The following CEP126 variants were observed in gnomAD, a reference collection of about 807,000 sequenced individuals.
CEP126 encodes the protein centrosomal protein 126, also known as centrosomal protein of 126 kDa.
In CEP126, 74 loss-of-function variants were observed where a neutral mutation model predicts 107.8. The ratio of observed to expected loss-of-function variants is 0.69; its 90% CI spans 0.57 to 0.83. The LOEUF (loss-of-function observed/expected upper bound fraction) is 0.83. CEP126 is among the 40% of genes least tolerant of loss of function. The pLI, the probability that CEP126 is intolerant of heterozygous loss-of-function variation, is 0.00. For synonymous variants in CEP126, 449 were observed against 446.0 expected, an observed-to-expected ratio of 1.01 and a Z score of -0.08; for missense variants, 1,237 against 1,281.9, an observed-to-expected ratio of 0.96 and a Z score of 0.53.
chr11:101,928,842 T>C (rs1940449322), intron 2 of CEP126, among the ~76,000 whole-genome samples: 1 of 152,218 alleles, frequency 6.6e-6, no homozygotes, highest in Admixed American at 6.5e-5. Context: ...TTATTCTTTT[T>C]CAGAATTGTT....
At chr11:101,989,232 A>G (rs1941348405) in intron 9 of CEP126, among the ~76,000 whole-genome samples, 1 of 152,212 alleles carries the variant, frequency 6.6e-6, no homozygotes, top group Non-Finnish European at 1.5e-5. Context: ...AGGAATTTCT[A>G]ATTATTTATA....
At chr11:101,941,311 C>T (rs1288772284) in intron 2 of CEP126, among the ~76,000 whole-genome samples, 1 of 152,130 alleles carries the variant, frequency 6.6e-6, no homozygotes, top group Non-Finnish European at 1.5e-5. Context: ...CTACCCTCCC[C>T]ACCAGCTGGT....
At chr11:101,938,125 AG>A (rs1327139158) in intron 2 of CEP126, among the ~76,000 whole-genome samples, 1 of 138,754 alleles carries the variant, frequency 7.2e-6, no homozygotes, top group Non-Finnish European at 1.6e-5. Flanking sequence ...TGCAGTCCGC[AG>A]TCCGGCCTGG....
At chr11:101,997,502 T>C in intron 10 of CEP126, 97 bp from the exon 11 acceptor site, 1 of 1,585,962 alleles carries the variant, frequency 6.3e-7, no homozygotes, top group East Asian at 2.3e-5. Flanking sequence ...GATGTCAGGA[T>C]GTGTTGAATA....
intron 8 of CEP126, among the ~76,000 whole-genome samples, chr11:101,984,198 TAGA>T (rs1941289562): frequency 6.6e-6 from 1 of 152,198 alleles, no homozygotes; most frequent in Non-Finnish European, 1.5e-5. Flanking sequence ...GATGTGGATG[TAGA>T]AGGTTTTCAA....
At chr11:101,977,791 T>TA (rs1941209395) in intron 6 of CEP126, among the ~76,000 whole-genome samples, 1 of 152,196 alleles carries the variant, frequency 6.6e-6, no homozygotes, top group Non-Finnish European at 1.5e-5. Flanking sequence ...TACTATAAGA[T>TA]ACGCATAAAT....
At chr11:101,929,807 G>A (rs1940466232) in intron 2 of CEP126, among the ~76,000 whole-genome samples, 1 of 152,124 alleles carries the variant, frequency 6.6e-6, no homozygotes, top group Non-Finnish European at 1.5e-5. Flanking sequence ...GGGAGGCAAG[G>A]ATAGAAATCT....
At chr11:101,957,725 T>C (rs1295708741) in intron 4 of CEP126, among the ~76,000 whole-genome samples, 1 of 152,140 alleles carries the variant, frequency 6.6e-6, no homozygotes, top group African/African-American at 2.4e-5. Flanking sequence ...TCTGCTTGAA[T>C]CTTCAACCAA....
At chr11:101,983,813 C>T (rs368968071) in intron 8 of CEP126, among the ~76,000 whole-genome samples, 20 of 152,334 alleles carry the variant, frequency 1.3e-4, no homozygotes, top group African/African-American at 4.3e-4. Context: ...GACTCAGTCA[C>T]GCCCAAGTGT....
At position 101,963,239 on chromosome 11, in the gene CEP126, A is replaced by C; in HGVS notation, c.2204A>C (p.Lys735Thr). The C allele has an allele frequency of 6.2e-7, 1 of 1,613,994 alleles. No homozygotes were observed. The highest frequency in any genetic ancestry group is 1.3e-5 in the African/African-American group (1 of 75,054). ...AWPASKKEESKIPVHDDSKTK... is the reference protein window; with the variant it reads ...AWPASKKEESTIPVHDDSKTK... ...CCAGCCTCAAAAAAAGAAGAAAGTAAAATCCCTGTACATGATGATTCTAAA... is the reference window on the plus strand; with the variant it reads ...CCAGCCTCAAAAAAAGAAGAAAGTACAATCCCTGTACATGATGATTCTAAA... Residue 735 changes from lysine to threonine, a missense_variant, in exon 6 of 11, where the codon AAA becomes ACA. This residue lies in a region of CEP126 where 1,134 missense variants were observed against 1,150.5 expected (regional missense o/e 0.99). Transcript: ENST00000263468.
rs1565368291 is a variant in CEP126, at chr11:101,981,743, C to G, written c.2959-146C>G. On this transcript the variant is annotated intron_variant, in intron 7 of 10. Transcript: ENST00000263468. Reference sequence around the variant, plus strand: ...TCTTTATTATAATAATTCTTGTATTCAGCTCTAAAAAATGTAATATACAAG... The same window carrying G: ...TCTTTATTATAATAATTCTTGTATTGAGCTCTAAAAAATGTAATATACAAG... The G allele has an allele frequency of 3.5e-5, 18 of 513,010 alleles. 1 individual carries two copies. The South Asian group carries it at 5.7e-4, about 16-fold the overall frequency. 31.8% of individuals were successfully genotyped at this position (513,010 alleles called of 1,614,324 possible). A position where few individuals can be genotyped will look rare whatever the true frequency, so the allele number is the denominator to read the frequency against.
intron 9 of CEP126, among the ~76,000 whole-genome samples, chr11:101,990,085 A>AT (rs1941360166): frequency 6.6e-6 from 1 of 152,218 alleles, no homozygotes; most frequent in African/African-American, 2.4e-5. Flanking sequence ...AATTGTTTAA[A>AT]TTTTCAACAG....
intron 1 of CEP126, among the ~76,000 whole-genome samples, chr11:101,918,893 C>G (rs1486587015): frequency 6.6e-6 from 1 of 152,124 alleles, no homozygotes; most frequent in African/African-American, 2.4e-5. Context: ...GTTAGCCAAG[C>G]ATGTGCCAAG....
chr11:101,963,990 TAAAC>T, intron 6 of CEP126, 110 bp downstream of exon 6: 1 of 695,906 alleles, frequency 1.4e-6, no homozygotes, highest in South Asian at 2.0e-5. Context: ...ATATTAATAT[TAAAC>T]AATAGCTTTA....
chr11:101,938,299 G>T (rs1318836688), intron 2 of CEP126, among the ~76,000 whole-genome samples: 1 of 150,874 alleles, frequency 6.6e-6, no homozygotes, highest in Non-Finnish European at 1.5e-5. Flanking sequence ...TTGCATTCAT[G>T]ATATTATTAA....
At chr11:101,955,714 G>T in intron 4 of CEP126, 1 of 363,814 alleles carries the variant, frequency 2.7e-6, no homozygotes, top group Non-Finnish European at 5.4e-6. Context: ...CCTAGAGGCA[G>T]CCCAATAAAC....
At chr11:101,927,268 C>T (rs1204332005) in intron 2 of CEP126, among the ~76,000 whole-genome samples, 1 of 152,174 alleles carries the variant, frequency 6.6e-6, no homozygotes, top group Non-Finnish European at 1.5e-5. Flanking sequence ...TGCCACAGCA[C>T]TCCAGCCTGG....
At chr11:101,934,335 A>G (rs924482132) in intron 2 of CEP126, among the ~76,000 whole-genome samples, 17 of 151,986 alleles carry the variant, frequency 1.1e-4, no homozygotes, top group African/African-American at 3.9e-4. Flanking sequence ...CACGCATTCA[A>G]TGGCACATCA....
At chr11:101,975,721 G>T (rs866001348) in intron 6 of CEP126, among the ~76,000 whole-genome samples, 2 of 152,118 alleles carry the variant, frequency 1.3e-5, no homozygotes, top group African/African-American at 4.8e-5. Flanking sequence ...TAGTTTTCCA[G>T]TCCTCACTGT....
Sources: gnomAD v4.1 joint callset for allele counts (sites outside exome capture counted in the v4.1 genomes callset) on GRCh38, gnomAD v4.1.1 for gene constraint, gnomAD v4.1.1 regional missense constraint, MANE v1.5 for transcripts, NCBI Gene and HGNC (gene_info 2026-07-23, HGNC 2026-07-21) for gene names.